GSK3B: variants seen among roughly 807,000 people sequenced by gnomAD.
GSK3B encodes glycogen synthase kinase-3 beta.
In GSK3B, 15 loss-of-function variants were observed where a neutral mutation model predicts 56.4. The ratio of observed to expected loss-of-function variants is 0.27; its 90% CI spans 0.18 to 0.41. The LOEUF (loss-of-function observed/expected upper bound fraction) is 0.41. Among genes scored for constraint, GSK3B ranks in the 10% least tolerant of loss-of-function variants. The pLI, the probability that GSK3B is intolerant of heterozygous loss-of-function variation, is 1.00. For missense variants in GSK3B, 300 were observed against 513.4 expected, an observed-to-expected ratio of 0.58 and a Z score of 4.02; for synonymous variants, 181 against 188.9, an observed-to-expected ratio of 0.96 and a Z score of 0.34.
intron 7 of GSK3B, among the ~76,000 whole-genome samples, chr3:119,905,483 C>T (rs2056673694): frequency 6.6e-6 from 1 of 152,024 alleles, no homozygotes; most frequent in African/African-American, 2.4e-5. Context: ...TCTAATTTTG[C>T]TTTTAAGTAC....
intron 7 of GSK3B, among the ~76,000 whole-genome samples, chr3:119,885,516 T>G (rs1273197477): frequency 2.0e-5 from 3 of 152,008 alleles, no homozygotes; most frequent in Non-Finnish European, 4.4e-5. Context: ...CCTATCGAAC[T>G]ACCAATGTCA....
chr3:119,984,985 A>G (rs1413184884), intron 2 of GSK3B, among the ~76,000 whole-genome samples: 2 of 152,222 alleles, frequency 1.3e-5, no homozygotes, highest in Non-Finnish European at 2.9e-5. Context: ...CAAAAAGCTT[A>G]TCCACCACGA....
intron 3 of GSK3B, among the ~76,000 whole-genome samples, chr3:119,937,375 T>A (rs1287007347): frequency 6.6e-6 from 1 of 152,066 alleles, no homozygotes; most frequent in Non-Finnish European, 1.5e-5. Flanking sequence ...CTGACACCTC[T>A]CTGCTATCTG....
intron 3 of GSK3B, among the ~76,000 whole-genome samples, chr3:119,929,744 A>C (rs1201326251): frequency 1.3e-5 from 2 of 151,998 alleles, no homozygotes; most frequent in African/African-American, 2.4e-5. Flanking sequence ...CTCTACTAAA[A>C]ATACAAAATT....
intron 4 of GSK3B, among the ~76,000 whole-genome samples, chr3:119,917,671 T>A (rs181521292): frequency 0.034 from 4,944 of 144,884 alleles, 123 homozygotes; most frequent in East Asian, 0.077. Flanking sequence ...TTTTTTTTTT[T>A]AAAAAAAAAA....
rs574007172 is a variant in GSK3B, at chr3:119,903,971, T to C, written c.813+1784A>G. On this transcript the variant is annotated intron_variant, in intron 7 of 10. Transcript: ENST00000264235. ...AGCCCATAAGCTAAGAATTAACAGATTTGCCATCAATTTGATGATTAGAAA... is the reference window on the plus strand; with the variant it reads ...AGCCCATAAGCTAAGAATTAACAGACTTGCCATCAATTTGATGATTAGAAA... 4.6e-5 allele frequency among the ~76,000 whole-genome samples: 7 copies of C among 152,166 alleles called. No homozygotes were observed. In the South Asian group the frequency reaches 1.0e-3, roughly 23 times the overall value.
intron 3 of GSK3B, among the ~76,000 whole-genome samples, chr3:119,925,237 G>C (rs1301619289): frequency 6.6e-6 from 1 of 152,202 alleles, no homozygotes. Flanking sequence ...AAGGAGGTGG[G>C]AGAATGGCTT....
chr3:120,056,300 C>T (rs6779828), intron 1 of GSK3B, among the ~76,000 whole-genome samples: 42,337 of 152,056 alleles, frequency 0.28, 7,645 homozygotes, highest in African/African-American at 0.52. Flanking sequence ...TCAACAGTTT[C>T]GTTTTTTGAG....
At chr3:119,852,068 G>A (rs2108020554) in intron 9 of GSK3B, among the ~76,000 whole-genome samples, 1 of 152,266 alleles carries the variant, frequency 6.6e-6, no homozygotes, top group Admixed American at 6.5e-5. Flanking sequence ...TGTTCCTAAT[G>A]CTAAACTAAT....
intron 9 of GSK3B, among the ~76,000 whole-genome samples, chr3:119,860,066 T>G (rs779874843): frequency 1.3e-5 from 2 of 152,202 alleles, no homozygotes; most frequent in Non-Finnish European, 2.9e-5. Flanking sequence ...CTAAATAACT[T>G]CAATTGGTAA....
rs1243187200 is a variant in GSK3B at position 120,052,990 on chromosome 3, C to T, written c.88+40357G>A. Among the ~76,000 whole-genome samples the T allele has an allele frequency of 2.6e-5, 4 of 152,270 alleles. No individual in the cohort carries two copies. In the East Asian group the frequency reaches 7.7e-4, roughly 29 times the overall value. On this transcript the variant is annotated intron_variant, in intron 1 of 10. Transcript: ENST00000264235. The stretch of plus-strand genomic sequence containing the variant: ...AAGTGTTAGAGCTGGGATTCTAAAG[C>T]AGTCTAACTACAGAGCTCTACTATA...
At chr3:119,915,302 T>G (rs555586138) in intron 5 of GSK3B, among the ~76,000 whole-genome samples, 13 of 152,080 alleles carry the variant, frequency 8.5e-5, no homozygotes, top group Non-Finnish European at 1.9e-4. Context: ...TGAGGTTAAT[T>G]GTGAAGTTAA....
intron 1 of GSK3B, among the ~76,000 whole-genome samples, chr3:120,058,984 T>G (rs1458649072): frequency 1.4e-5 from 2 of 147,050 alleles, no homozygotes; most frequent in African/African-American, 2.5e-5. Context: ...CACTCCAGCC[T>G]GAGTGGCAGA....
In GSK3B at chr3:119,876,506, G is replaced by T. The variant is rs1559818768; in HGVS notation, c.816C>A (p.Val272=). ...TTTGCTCCCTTGTTGGAGTTCCCAG[G>T]ACCTAGAAAGAAAGCAAGTTATTGC... ...GVDQLVEIIK[V]LGTPTREQIR... Residue 272 remains valine (V), a splice_region_variant and synonymous_variant, in exon 8 of 11, where the codon GTC becomes GTA. Transcript: ENST00000264235. The T allele has an allele frequency of 7.0e-6, 11 of 1,563,668 alleles. No individual in the cohort carries two copies. The highest frequency in any genetic ancestry group is 9.7e-6 in the Non-Finnish European group (11 of 1,135,112).
chr3:119,875,149 T>C (rs1295054439), intron 8 of GSK3B, among the ~76,000 whole-genome samples: 1 of 152,142 alleles, frequency 6.6e-6, no homozygotes, highest in Non-Finnish European at 1.5e-5. Context: ...TTACAACCTA[T>C]AATTCTGGCA....
chr3:120,049,448 A>G (rs749690431), intron 1 of GSK3B, among the ~76,000 whole-genome samples: 2 of 152,216 alleles, frequency 1.3e-5, no homozygotes, highest in Non-Finnish European at 2.9e-5. Flanking sequence ...GAATGTCAGA[A>G]GACTTCCTGG....
chr3:119,992,968 T>TAA (rs1328347803), intron 2 of GSK3B, among the ~76,000 whole-genome samples: 2 of 151,684 alleles, frequency 1.3e-5, no homozygotes, highest in Non-Finnish European at 2.9e-5. Context: ...CACTCATACT[T>TAA]AACTAGAGAG....
intron 8 of GSK3B, among the ~76,000 whole-genome samples, chr3:119,868,445 C>T (rs2056210399): frequency 6.6e-6 from 1 of 152,194 alleles, no homozygotes; most frequent in Admixed American, 6.5e-5. Context: ...CCTACATGTC[C>T]TAGAATAGAC....
chr3:119,869,715 CA>C (rs1329323558), intron 8 of GSK3B, among the ~76,000 whole-genome samples: 1 of 152,092 alleles, frequency 6.6e-6, no homozygotes, highest in Non-Finnish European at 1.5e-5. Flanking sequence ...ATAATAAAAC[CA>C]AATGTTTTCC....
Sources: gnomAD v4.1 joint callset for allele counts (sites outside exome capture counted in the v4.1 genomes callset) on GRCh38, gnomAD v4.1.1 for gene constraint, MANE v1.5 for transcripts, NCBI Gene and HGNC (gene_info 2026-07-23, HGNC 2026-07-21) for gene names.